Variants in NEDD9 observed in about 807,000 individuals in gnomAD.
NEDD9 encodes neural precursor cell expressed, developmentally down-regulated 9, also known as enhancer of filamentation 1.
A neutral mutation model predicts 76.6 loss-of-function variants in NEDD9; 26 were observed. The observed-to-expected ratio is 0.34, with a 90% CI of 0.25 to 0.47. The LOEUF (loss-of-function observed/expected upper bound fraction) is 0.47, where lower values mean the gene tolerates loss of function less well. Among genes scored for constraint, NEDD9 ranks in the 20% least tolerant of loss-of-function variants. The probability of loss-of-function intolerance (pLI) is 1.00; values close to 1 mark genes in which losing one functional copy is unlikely to be tolerated. For synonymous variants in NEDD9, 392 were observed against 414.2 expected (o/e 0.95, Z 0.65); for missense variants, 937 against 1,058.5 (o/e 0.89, Z 1.59).
At position 11,185,381 on chromosome 6, in the gene NEDD9, C is replaced by T. The variant is rs755335609; in HGVS notation, c.2286G>A (p.Thr762=). ...CCTGGGCAGTCACCTGCCGTGTCAG[C>T]GTGTCTCCAATGAACACCAGTTTGT... ...SAHKLVFIGD[T]LTRQVTAQDI... The change falls in exon 7 of 7, where the codon ACG becomes ACA. Residue 762 remains threonine, a synonymous_variant. Transcript: ENST00000379446. 6 of 1,614,226 alleles carry T rather than the reference C, an allele frequency of 3.7e-6. No individual in the cohort carries two copies. The highest frequency in any genetic ancestry group is 3.3e-5 in the South Asian group (3 of 91,088).
intron 3 of NEDD9, among the ~76,000 whole-genome samples, chr6:11,249,389 T>G (rs1273471191): frequency 6.6e-6 from 1 of 152,234 alleles, no homozygotes; most frequent in Admixed American, 6.5e-5. Context: ...TCCTCTCTTG[T>G]GCTTTGAAAT....
chr6:11,219,608 C>T (rs1759080663), intron 1 of NEDD9, among the ~76,000 whole-genome samples: 2 of 152,172 alleles, frequency 1.3e-5, no homozygotes, highest in South Asian at 4.1e-4. Context: ...AAGGAAATGG[C>T]CATCATCAAG....
rs1003149440 is a variant in NEDD9 at position 11,241,570 on chromosome 6, C to T, written c.13-27843G>A. Reference sequence around the variant, plus strand: ...TCCAGCGCACACTGGCCTCCGGAAGCCATCTTCCACACCAGCCATCCAGCA... The same window carrying T: ...TCCAGCGCACACTGGCCTCCGGAAGTCATCTTCCACACCAGCCATCCAGCA... On this transcript the variant is annotated intron_variant, in intron 3 of 3. Transcript: ENST00000397378. This position sits in a 1 kb window ranked among gnomAD's most constrained non-coding sequence, Gnocchi z 4.0. Among the ~76,000 whole-genome samples, 4 of 152,204 alleles carry T rather than the reference C, an allele frequency of 2.6e-5. No individual in the cohort carries two copies. Among genetic ancestry groups the T allele is most frequent in the Non-Finnish European group, 5.9e-5 (4 of 68,042 alleles).
At chr6:11,358,029 C>T (rs1762610616) in intron 1 of NEDD9, among the ~76,000 whole-genome samples, 1 of 152,136 alleles carries the variant, frequency 6.6e-6, no homozygotes, top group Non-Finnish European at 1.5e-5. Context: ...GCGGGCGGAT[C>T]ACGAGGTCAG....
At chr6:11,214,860 C>T (rs768044284) in intron 1 of NEDD9, among the ~76,000 whole-genome samples, 11 of 152,120 alleles carry the variant, frequency 7.2e-5, no homozygotes, top group Non-Finnish European at 1.2e-4. Flanking sequence ...AGGTGGGGCT[C>T]ATTTATGGAA....
At chr6:11,300,932 T>C (rs765218254) in intron 3 of NEDD9, among the ~76,000 whole-genome samples, 92 of 152,178 alleles carry the variant, frequency 6.0e-4, no homozygotes, top group Non-Finnish European at 1.2e-3. Context: ...GTAAAGACCA[T>C]TGATGCTATG....
At chr6:11,247,367 G>A (rs890152491) in intron 3 of NEDD9, among the ~76,000 whole-genome samples, 3 of 152,212 alleles carry the variant, frequency 2.0e-5, no homozygotes, top group South Asian at 2.1e-4. Flanking sequence ...ATGCTGCCCC[G>A]CCTTTCATAA....
chr6:11,213,134 T>G lies in NEDD9; in HGVS notation c.459+147A>C. On this transcript the variant is annotated intron_variant, in intron 2 of 6. Transcript: ENST00000379446. The surrounding 1 kb of genome is among the most constrained non-coding windows in gnomAD (Gnocchi z 5.4). The stretch of plus-strand genomic sequence containing the variant: ...GAATGATGGATGAATGGCAAAATCA[T>G]GCAAACATGATGCCTGAGCTAAGGT... 2 of 765,174 alleles carry G rather than the reference T, an allele frequency of 2.6e-6. No individual in the cohort carries two copies. Among genetic ancestry groups the G allele is most frequent in the Non-Finnish European group, 2.1e-6 (1 of 482,186 alleles). The allele number at this position is 765,174 out of a possible 1,614,324, so 47.4% of individuals were successfully genotyped here.
intron 1 of NEDD9, among the ~76,000 whole-genome samples, chr6:11,221,281 G>A (rs912327694): frequency 6.6e-6 from 1 of 151,966 alleles, no homozygotes; most frequent in Non-Finnish European, 1.5e-5. Flanking sequence ...TACTCGGGAG[G>A]CTGAGGCAGG....
rs563916554 is a variant in NEDD9 at position 11,337,554 on chromosome 6, G to C, written c.-213-2993C>G. On this transcript the variant is annotated intron_variant, in intron 1 of 3. Coordinates refer to the NEDD9 transcript ENST00000397378. ...TTTTCAGCTTCATCATAGTCTTGCG[G>C]GACCACGGTCCTATATACGGTCTGT... Among the ~76,000 whole-genome samples the C allele has an allele frequency of 2.0e-5, 3 of 152,290 alleles. No homozygotes were observed. In the South Asian group the frequency reaches 6.2e-4, roughly 32 times the overall value.
At chr6:11,314,495 G>A (rs1006286136) in intron 2 of NEDD9, among the ~76,000 whole-genome samples, 1 of 152,146 alleles carries the variant, frequency 6.6e-6, no homozygotes, top group Non-Finnish European at 1.5e-5. Context: ...CCTGTAGGGT[G>A]TTTCTCTCTA....
chr6:11,381,185 G>A (rs1296223243), intron 1 of NEDD9, among the ~76,000 whole-genome samples: 1 of 152,202 alleles, frequency 6.6e-6, no homozygotes, highest in Non-Finnish European at 1.5e-5. Context: ...AAAACTATTT[G>A]GCAGATTCCC....
rs72832929 is a variant in NEDD9, at chr6:11,370,902, C to G, written c.-214+11237G>C. 3.8e-3 allele frequency among the ~76,000 whole-genome samples: 579 copies of G among 152,198 alleles called. 4 individuals carry two copies. Among genetic ancestry groups the G allele is most frequent in the Non-Finnish European group, 4.2e-3 (286 of 67,990 alleles). The stretch of plus-strand genomic sequence containing the variant: ...ACGGGGAGGGTGACAGAGGTGACCC[C>G]GTGGCCATTTTGCATGGCATGTGAG... On this transcript the variant is annotated intron_variant, in intron 1 of 3. Transcript: ENST00000397378. The surrounding 1 kb of genome is among the most constrained non-coding windows in gnomAD (Gnocchi z 4.2).
At chr6:11,316,121 A>G (rs1582022077) in intron 2 of NEDD9, among the ~76,000 whole-genome samples, 2 of 152,244 alleles carry the variant, frequency 1.3e-5, no homozygotes, top group South Asian at 2.1e-4. Context: ...GATGCTGACT[A>G]TTTACAAGGA....
At chr6:11,268,790 A>G (rs915915724) in intron 3 of NEDD9, among the ~76,000 whole-genome samples, 12 of 151,978 alleles carry the variant, frequency 7.9e-5, no homozygotes, top group African/African-American at 2.7e-4. Flanking sequence ...TTGGGGAAAA[A>G]GGGCTAAATT....
intron 6 of NEDD9, among the ~76,000 whole-genome samples, chr6:11,186,078 C>A (rs552220706): frequency 6.6e-6 from 1 of 152,038 alleles, no homozygotes; most frequent in Non-Finnish European, 1.5e-5. Context: ...AATGTAGTGA[C>A]CTCCTTGTCA....
At chr6:11,307,313 G>A (rs972682541) in intron 2 of NEDD9, among the ~76,000 whole-genome samples, 4 of 152,074 alleles carry the variant, frequency 2.6e-5, no homozygotes, top group Non-Finnish European at 4.4e-5. Context: ...TTTGATAAAC[G>A]CAGTATTTAT....
chr6:11,335,167 C>A (rs569370927), intron 1 of NEDD9, among the ~76,000 whole-genome samples: 24 of 152,252 alleles, frequency 1.6e-4, no homozygotes, highest in African/African-American at 5.8e-4. Flanking sequence ...TTTTCTTATT[C>A]CACACAACAA....
At chr6:11,201,627 CTTA>C (rs1190934380) in intron 2 of NEDD9, among the ~76,000 whole-genome samples, 12 of 152,082 alleles carry the variant, frequency 7.9e-5, no homozygotes, top group African/African-American at 2.4e-4. Flanking sequence ...GCTCTAGTGA[CTTA>C]TTATTATTTA....
Sources: gnomAD v4.1 joint callset for allele counts (sites outside exome capture counted in the v4.1 genomes callset) on GRCh38, gnomAD v4.1.1 for gene constraint, Gnocchi (gnomAD v3.1) non-coding constraint, MANE v1.5 for transcripts, NCBI Gene and HGNC (gene_info 2026-07-23, HGNC 2026-07-21) for gene names.